The following EPHB1 variants were observed in gnomAD, a reference collection of about 807,000 sequenced individuals.
The protein encoded by EPHB1 is ephrin type-B receptor 1.
EPHB1 carries 30 observed loss-of-function variants against 94.4 expected under a neutral mutation model. The ratio of observed to expected loss-of-function variants is 0.32; its 90% CI spans 0.24 to 0.43. EPHB1 has a LOEUF of 0.43. Among genes scored for constraint, EPHB1 ranks in the 20% least tolerant of loss-of-function variants. The pLI, the probability that EPHB1 is intolerant of heterozygous loss-of-function variation, is 1.00. For missense variants in EPHB1, 1,055 were observed against 1,308.3 expected, an observed-to-expected ratio of 0.81 and a Z score of 2.99; for synonymous variants, 522 against 489.1, an observed-to-expected ratio of 1.07 and a Z score of -0.89.
chr3:134,991,876 A>T (rs186462601), intron 3 of EPHB1, among the ~76,000 whole-genome samples: 1 of 152,222 alleles, frequency 6.6e-6, no homozygotes, highest in Non-Finnish European at 1.5e-5. Flanking sequence ...TTGCATGCAC[A>T]GCTCTCTGCT....
rs374659425 is a variant in EPHB1, at chr3:135,241,259, T to C, written c.2458T>C (p.Phe820Leu). 29 of 1,614,058 alleles carry C rather than the reference T, an allele frequency of 1.8e-5. No individual in the cohort carries two copies. Among genetic ancestry groups the C allele is most frequent in the Non-Finnish European group, 2.5e-5 (29 of 1,180,038 alleles). Residue 820 changes from phenylalanine to leucine, a missense_variant, in exon 13 of 16, where the codon TTT becomes CTT. Phe to Leu is a conservative substitution (Grantham distance 22, BLOSUM62 0). Transcript: ENST00000398015. The stretch of plus-strand genomic sequence containing the variant: ...GATCGTCATGTGGGAAGTCATGTCA[T>C]TTGGAGAGAGACCCTATTGGGATAT... ...YGIVMWEVMS[F>L]GERPYWDMSN...
intron 1 of EPHB1, among the ~76,000 whole-genome samples, chr3:134,817,278 A>G (rs1244878231): frequency 6.6e-6 from 1 of 152,126 alleles, no homozygotes; most frequent in Non-Finnish European, 1.5e-5. Context: ...ACTCACTGAC[A>G]TTTTCTCTCC....
At chr3:135,128,621 CT>C (rs1297193954) in intron 4 of EPHB1, among the ~76,000 whole-genome samples, 1 of 151,452 alleles carries the variant, frequency 6.6e-6, no homozygotes, top group African/African-American at 2.4e-5. Context: ...AGCCCTGGTG[CT>C]TTTTTTTTCA....
intron 3 of EPHB1, among the ~76,000 whole-genome samples, chr3:135,057,842 C>T (rs905642954): frequency 8.5e-5 from 13 of 152,236 alleles, no homozygotes; most frequent in African/African-American, 2.9e-4. Context: ...CGGGATTGAG[C>T]CTCCACCTGC....
intron 3 of EPHB1, among the ~76,000 whole-genome samples, chr3:134,972,324 G>GTA (rs35255389): frequency 0.58 from 85,850 of 148,912 alleles, 27,194 homozygotes; most frequent in African/African-American, 0.85. Flanking sequence ...TTCTCTAAGA[G>GTA]TGTGTGTGTA....
At chr3:135,000,578 C>T (rs1349786856) in intron 3 of EPHB1, among the ~76,000 whole-genome samples, 1 of 152,180 alleles carries the variant, frequency 6.6e-6, no homozygotes, top group Non-Finnish European at 1.5e-5. Flanking sequence ...AATAACGCAA[C>T]ACATTCTAGA....
intron 3 of EPHB1, among the ~76,000 whole-genome samples, chr3:135,019,316 G>C (rs1005267846): frequency 6.6e-6 from 1 of 152,092 alleles, no homozygotes; most frequent in Non-Finnish European, 1.5e-5. Flanking sequence ...GGTCAAGCAG[G>C]GTGGGGCTTT....
At chr3:134,944,197 G>A (rs1190374754) in intron 2 of EPHB1, among the ~76,000 whole-genome samples, 2 of 152,162 alleles carry the variant, frequency 1.3e-5, no homozygotes, top group African/African-American at 2.4e-5. Context: ...AACATTTCAT[G>A]TGTATAGAAT....
At chr3:135,062,646 C>T (rs1050065158) in intron 3 of EPHB1, among the ~76,000 whole-genome samples, 2 of 152,178 alleles carry the variant, frequency 1.3e-5, no homozygotes. Context: ...TGTCTGTTTA[C>T]TCTGCTGACT....
At chr3:134,956,005 G>T (rs899387760) in intron 3 of EPHB1, among the ~76,000 whole-genome samples, 1 of 152,204 alleles carries the variant, frequency 6.6e-6, no homozygotes, top group African/African-American at 2.4e-5. Context: ...CAGGGAGGCC[G>T]AGTTGGCTCT....
intron 4 of EPHB1, among the ~76,000 whole-genome samples, chr3:135,129,549 C>T (rs1386082973): frequency 1.3e-5 from 2 of 152,164 alleles, no homozygotes; most frequent in African/African-American, 4.8e-5. Flanking sequence ...AGGTAGAAAA[C>T]CAGGTGGGAG....
At chr3:135,003,395 G>A (rs2107744260) in intron 3 of EPHB1, among the ~76,000 whole-genome samples, 1 of 150,972 alleles carries the variant, frequency 6.6e-6, no homozygotes, top group East Asian at 1.9e-4. Flanking sequence ...GGTCAATTTT[G>A]GAATAGGTGT....
rs377440828 is a variant in EPHB1, at chr3:134,802,377, A to G, written c.58+6688A>G. On this transcript the variant is annotated intron_variant, in intron 1 of 15. Transcript: ENST00000398015. The stretch of plus-strand genomic sequence containing the variant: ...AAAAAAAAAAAAGAAGCAGGGGCTG[A>G]CAATTGTAGATAAAGTCCAATCTGA... 9.4e-5 allele frequency among the ~76,000 whole-genome samples: 14 copies of G among 149,606 alleles called. No individual in the cohort carries two copies. In the East Asian group the frequency reaches 1.8e-3, roughly 19 times the overall value.
At chr3:135,253,392 A>T (rs1475891635) in intron 15 of EPHB1, among the ~76,000 whole-genome samples, 2 of 148,172 alleles carry the variant, frequency 1.3e-5, no homozygotes, top group South Asian at 2.2e-4. Context: ...TTTTTGTATA[A>T]GGTGTAAGGA....
intron 5 of EPHB1, among the ~76,000 whole-genome samples, chr3:135,133,798 C>A (rs545302266): frequency 6.6e-6 from 1 of 152,144 alleles, no homozygotes; most frequent in African/African-American, 2.4e-5. Flanking sequence ...TATTACTTTT[C>A]ACAGCTCTTG....
chr3:135,037,269 G>A (rs1349013762), intron 3 of EPHB1, among the ~76,000 whole-genome samples: 2 of 152,204 alleles, frequency 1.3e-5, no homozygotes, highest in Admixed American at 6.5e-5. Flanking sequence ...CAAGAGACAG[G>A]AAGAATACTG....
intron 3 of EPHB1, among the ~76,000 whole-genome samples, chr3:135,002,795 A>G (rs866264916): frequency 3.6e-4 from 54 of 149,876 alleles, no homozygotes; most frequent in African/African-American, 7.9e-4. Context: ...CTGTGGGATC[A>G]GTGGTGATAT....
chr3:135,048,266 T>TC (rs1251650206), intron 3 of EPHB1, among the ~76,000 whole-genome samples: 4 of 128,732 alleles, frequency 3.1e-5, no homozygotes, highest in African/African-American at 1.3e-4. Context: ...TTTCTTTTTT[T>TC]TTTTTTTTTT....
At chr3:134,837,472 G>T (rs188582752) in intron 1 of EPHB1, among the ~76,000 whole-genome samples, 1 of 152,294 alleles carries the variant, frequency 6.6e-6, no homozygotes, top group Admixed American at 6.5e-5. Flanking sequence ...ACCATCAGAT[G>T]GTTCCCATTG....
Sources: allele counts gnomAD v4.1 joint callset (sites outside exome capture counted in the v4.1 genomes callset), GRCh38; gene constraint gnomAD v4.1.1; transcripts MANE v1.5; gene names NCBI Gene and HGNC (gene_info 2026-07-23, HGNC 2026-07-21).